NREP: variants seen among roughly 807,000 people sequenced by gnomAD.
The protein encoded by NREP is neuronal regeneration related protein.
A neutral mutation model predicts 8.6 loss-of-function variants in NREP; 5 were observed. The observed-to-expected ratio is 0.58, with a 90% confidence interval of 0.30 to 1.22. The LOEUF (loss-of-function observed/expected upper bound fraction) is 1.22. NREP is among the 50% of genes most tolerant of loss of function. The probability of loss-of-function intolerance (pLI) is 0.07; values close to 1 mark genes in which losing one functional copy is unlikely to be tolerated. For missense variants in NREP, 86 were observed against 82.5 expected, an observed-to-expected ratio of 1.04 and a Z score of -0.17; for synonymous variants, 27 against 28.0, an observed-to-expected ratio of 0.96 and a Z score of 0.11.
At chr5:111,846,273 T>C (rs1224437604) in intron 2 of NREP, 3 of 165,088 alleles carry the variant, frequency 1.8e-5, no homozygotes, top group South Asian at 1.9e-4. Flanking sequence ...AGCCATGATA[T>C]ATAATATTAA....
intron 2 of NREP, among the ~76,000 whole-genome samples, chr5:111,927,647 C>G (rs1016726721): frequency 6.6e-6 from 1 of 152,188 alleles, no homozygotes; most frequent in Non-Finnish European, 1.5e-5. Flanking sequence ...GATGAATGCA[C>G]AGTTCACTTT....
intron 2 of NREP, among the ~76,000 whole-genome samples, chr5:111,883,061 T>G (rs1368503117): frequency 6.6e-6 from 1 of 152,220 alleles, no homozygotes; most frequent in Non-Finnish European, 1.5e-5. Context: ...GACCCATCAG[T>G]GTGCTGTATT....
Position 111,782,796 on chromosome 5 carries a change from A to G in NREP, c.136-47289T>C, listed in dbSNP as rs1029261641. On this transcript the variant is annotated intron_variant, in intron 2 of 3. Transcript: ENST00000395634. ...GTCATCCAGGCTGGAAGGCACTGGC[A>G]TGATCTCAGCTCACTGCAACTTCTG... 3.3e-5 allele frequency among the ~76,000 whole-genome samples: 5 copies of G among 151,034 alleles called. No homozygotes were observed. In the Admixed American group the frequency reaches 3.3e-4, roughly 10 times the overall value.
intron 2 of NREP, among the ~76,000 whole-genome samples, chr5:111,737,897 C>T (rs1418813822): frequency 1.3e-5 from 2 of 152,008 alleles, no homozygotes; most frequent in Non-Finnish European, 2.9e-5. Context: ...GCACATTAGG[C>T]ATTTTTTAGT....
chr5:111,912,223 T>C (rs1216548335), intron 2 of NREP, among the ~76,000 whole-genome samples: 4 of 152,046 alleles, frequency 2.6e-5, no homozygotes, highest in Non-Finnish European at 4.4e-5. Context: ...TTTTTCATCA[T>C]GCTCTTCTCC....
At chr5:111,731,715 T>TGAC (rs1223693282) in intron 3 of NREP, 1 of 152,242 alleles carries the variant, frequency 6.6e-6, no homozygotes, top group African/African-American at 2.4e-5. Flanking sequence ...TCATCTAGAC[T>TGAC]GACTGGGGCT....
chr5:111,753,330 T>TTATATATA (rs10546970), intron 2 of NREP, among the ~76,000 whole-genome samples: 289 of 140,784 alleles, frequency 2.1e-3, no homozygotes, highest in Non-Finnish European at 2.2e-3. Flanking sequence ...CAAGTTGATT[T>TTATATATA]TATATATATA....
At chr5:111,771,080 A>AT (rs890771299) in intron 2 of NREP, among the ~76,000 whole-genome samples, 5 of 152,156 alleles carry the variant, frequency 3.3e-5, no homozygotes, top group African/African-American at 9.7e-5. Context: ...ATATTTTATA[A>AT]TTTTTTTCCT....
chr5:111,822,401 G>C (rs1294371906), intron 2 of NREP, among the ~76,000 whole-genome samples: 1 of 152,158 alleles, frequency 6.6e-6, no homozygotes, highest in Non-Finnish European at 1.5e-5. Context: ...AATAGAATTA[G>C]GGCAACAAAA....
At chr5:111,765,045 C>T (rs1367869064) in intron 2 of NREP, among the ~76,000 whole-genome samples, 2 of 152,160 alleles carry the variant, frequency 1.3e-5, no homozygotes, top group Non-Finnish European at 2.9e-5. Context: ...ACTGATTGGA[C>T]TGTCTAAATC....
chr5:111,885,926 T>A (rs1754233725), intron 2 of NREP, among the ~76,000 whole-genome samples: 1 of 152,046 alleles, frequency 6.6e-6, no homozygotes, highest in Non-Finnish European at 1.5e-5. Flanking sequence ...GGACTTCATG[T>A]CTAAAACACC....
rs150982941 is a variant in NREP at position 111,779,557 on chromosome 5, G to A, written c.136-44050C>T. On this transcript the variant is annotated intron_variant, in intron 2 of 3. Transcript: ENST00000395634. ...TGGAGCTATGAGAACCAGGAGGAGA[G>A]GCTTAGGTCAAACTCTCCAAGAAAG... Among the ~76,000 whole-genome samples the A allele has an allele frequency of 2.1e-4, 32 of 152,284 alleles. No individual in the cohort carries two copies. In the East Asian group the frequency reaches 6.2e-3, roughly 29 times the overall value.
chr5:111,747,645 T>G (rs1252584597), intron 2 of NREP, among the ~76,000 whole-genome samples: 1 of 152,102 alleles, frequency 6.6e-6, no homozygotes, highest in Non-Finnish European at 1.5e-5. Context: ...ACTTGGCTAC[T>G]CCCCCTTCCT....
intron 2 of NREP, among the ~76,000 whole-genome samples, chr5:111,923,374 T>A (rs1245985582): frequency 1.3e-5 from 2 of 152,194 alleles, no homozygotes; most frequent in Non-Finnish European, 2.9e-5. Flanking sequence ...AGATCCTCCA[T>A]GGCTGCATAG....
chr5:111,929,422 G>C (rs1485821071), intron 2 of NREP, among the ~76,000 whole-genome samples: 1 of 152,154 alleles, frequency 6.6e-6, no homozygotes, highest in Non-Finnish European at 1.5e-5. Context: ...GAAGCCTAAG[G>C]GCCTTTGGAG....
chr5:111,847,640 A>G (rs1005391273), intron 2 of NREP, among the ~76,000 whole-genome samples: 2 of 152,194 alleles, frequency 1.3e-5, no homozygotes, highest in African/African-American at 4.8e-5. Context: ...GTTAAATGCC[A>G]TCTGGTCAGC....
At chr5:111,805,209 G>A (rs570155649) in intron 2 of NREP, among the ~76,000 whole-genome samples, 1 of 152,274 alleles carries the variant, frequency 6.6e-6, no homozygotes, top group African/African-American at 2.4e-5. Flanking sequence ...CACAGGCTAT[G>A]GGCTCTTTCA....
intron 2 of NREP, among the ~76,000 whole-genome samples, chr5:111,745,708 C>A (rs2112826474): frequency 6.6e-6 from 1 of 152,256 alleles, no homozygotes; most frequent in Middle Eastern, 3.4e-3. Flanking sequence ...CAATGATCTG[C>A]AGACACACAA....
chr5:111,854,963 T>C (rs905984747), intron 2 of NREP, among the ~76,000 whole-genome samples: 1 of 152,212 alleles, frequency 6.6e-6, no homozygotes, highest in African/African-American at 2.4e-5. Flanking sequence ...TATGAATAAA[T>C]TCTTGTTTAT....
Sources: allele counts gnomAD v4.1 joint callset (sites outside exome capture counted in the v4.1 genomes callset), GRCh38; gene constraint gnomAD v4.1.1; transcripts MANE v1.5; gene names NCBI Gene and HGNC (gene_info 2026-07-23, HGNC 2026-07-21).